ST18: variants seen among roughly 807,000 people sequenced by gnomAD.
ST18 encodes the protein ST18 C2H2C-type zinc finger transcription factor.
A neutral mutation model predicts 110.0 loss-of-function variants in ST18; 50 were observed. The ratio of observed to expected loss-of-function variants is 0.45; its 90% CI spans 0.36 to 0.58. ST18 has a LOEUF of 0.58. Ranked by LOEUF, ST18 falls within the 20% of genes least tolerant of loss-of-function variation. ST18 has a pLI of 0.00. For synonymous variants in ST18, 461 were observed against 452.4 expected, an observed-to-expected ratio of 1.02 and a Z score of -0.24; for missense variants, 1,306 against 1,280.1, an observed-to-expected ratio of 1.02 and a Z score of -0.31.
In ST18 at chr8:52,248,976, C is replaced by A. The variant is rs558264300; in HGVS notation, c.-464-18899G>T. Among the ~76,000 whole-genome samples the A allele has an allele frequency of 2.6e-5, 4 of 152,200 alleles. No homozygotes were observed. In the East Asian group the frequency reaches 7.7e-4, roughly 29 times the overall value. On this transcript the variant is annotated intron_variant, in intron 2 of 25. Coordinates refer to ENST00000689386, the MANE Select transcript of ST18 (RefSeq NM_001352837.2). The stretch of plus-strand genomic sequence containing the variant: ...TGCTCACATGCATGCCCCAGGTTTC[C>A]ATTATCTTTCAGAAGCAGTAAGACT...
intron 10 of ST18, among the ~76,000 whole-genome samples, chr8:52,169,383 T>G (rs1410697889): frequency 6.6e-6 from 1 of 152,188 alleles, no homozygotes; most frequent in Non-Finnish European, 1.5e-5. Flanking sequence ...GTGTTCCCCT[T>G]TTCATAGGCA....
At chr8:52,308,848 G>C (rs1015572136) in intron 2 of ST18, among the ~76,000 whole-genome samples, 1 of 152,228 alleles carries the variant, frequency 6.6e-6, no homozygotes, top group Non-Finnish European at 1.5e-5. Context: ...TGTCGGCTCA[G>C]GGGGACTGGG....
intron 2 of ST18, among the ~76,000 whole-genome samples, chr8:52,318,421 GA>G (rs1305546846): frequency 4.6e-5 from 7 of 152,150 alleles, no homozygotes; most frequent in Non-Finnish European, 4.4e-5. Context: ...ACGTTGTGGA[GA>G]AAAAGGAACG....
intron 2 of ST18, among the ~76,000 whole-genome samples, chr8:52,296,946 T>C (rs2095645219): frequency 6.6e-6 from 1 of 152,170 alleles, no homozygotes; most frequent in South Asian, 2.1e-4. Context: ...TAAGGTATAA[T>C]TAAAAAACCA....
chr8:52,177,519 T>C (rs1303469869), intron 9 of ST18, among the ~76,000 whole-genome samples: 1 of 152,066 alleles, frequency 6.6e-6, no homozygotes, highest in Non-Finnish European at 1.5e-5. Flanking sequence ...ACTAACTCAG[T>C]GCTCTTTCCT....
At chr8:52,153,069 G>A (rs1360014287) in intron 15 of ST18, among the ~76,000 whole-genome samples, 1 of 152,108 alleles carries the variant, frequency 6.6e-6, no homozygotes, top group African/African-American at 2.4e-5. Flanking sequence ...GTAGGCTTGT[G>A]GCTATTTTCT....
chr8:52,377,014 C>T lies in ST18; in HGVS notation c.-465+32314G>A, dbSNP rs16917762. Among the ~76,000 whole-genome samples, 784 of 152,214 alleles carry T rather than the reference C, an allele frequency of 5.2e-3. 7 individuals carry two copies. The highest frequency in any genetic ancestry group is 0.014 in the African/African-American group (585 of 41,526). On this transcript the variant is annotated intron_variant, in intron 2 of 25. Transcript: ENST00000689386. ...GGTCTCTCTAGGGTTAACACTGATG[C>T]CCTCTTATGACAATACATGTACTTA...
intron 2 of ST18, among the ~76,000 whole-genome samples, chr8:52,363,046 T>TA (rs1345846592): frequency 6.6e-6 from 1 of 152,012 alleles, no homozygotes; most frequent in Non-Finnish European, 1.5e-5. Flanking sequence ...CCGTCTCTAC[T>TA]AAAAAAATAC....
At chr8:52,372,345 A>G (rs2140642206) in intron 2 of ST18, among the ~76,000 whole-genome samples, 1 of 152,342 alleles carries the variant, frequency 6.6e-6, no homozygotes, top group East Asian at 1.9e-4. Flanking sequence ...AGGAGTCAGA[A>G]AGCTGAAAAA....
At chr8:52,406,934 C>T (rs1564674615) in intron 2 of ST18, 3 of 152,142 alleles carry the variant, frequency 2.0e-5, no homozygotes, top group East Asian at 1.9e-4. Flanking sequence ...GAGGGACACT[C>T]GGCTTGTAAA....
At chr8:52,350,437 G>A (rs755114408) in intron 2 of ST18, among the ~76,000 whole-genome samples, 23 of 152,088 alleles carry the variant, frequency 1.5e-4, no homozygotes, top group Non-Finnish European at 2.6e-4. Flanking sequence ...CCACAGCTAG[G>A]AAATTGTAGG....
chr8:52,167,527 A>T (rs746969920), intron 10 of ST18, among the ~76,000 whole-genome samples: 1 of 152,206 alleles, frequency 6.6e-6, no homozygotes, highest in Non-Finnish European at 1.5e-5. Flanking sequence ...GGGCAAGGAC[A>T]CTGGCTTGTG....
At chr8:52,206,632 T>G (rs1376701800) in intron 8 of ST18, 1 of 152,218 alleles carries the variant, frequency 6.6e-6, no homozygotes, top group African/African-American at 2.4e-5. Context: ...CTCTTCTAAA[T>G]TAATTTTTAT....
At chr8:52,319,110 A>C (rs904870158) in intron 2 of ST18, among the ~76,000 whole-genome samples, 1 of 152,218 alleles carries the variant, frequency 6.6e-6, no homozygotes, top group Admixed American at 6.5e-5. Flanking sequence ...TTTAAAAAAA[A>C]TTATTTTTAA....
chr8:52,238,191 C>A (rs1239751035), intron 2 of ST18, among the ~76,000 whole-genome samples: 3 of 152,086 alleles, frequency 2.0e-5, no homozygotes, highest in Non-Finnish European at 2.9e-5. Flanking sequence ...TCTATATAAT[C>A]CAACAATTTG....
intron 2 of ST18, among the ~76,000 whole-genome samples, chr8:52,284,032 CT>C (rs1041241892): frequency 6.6e-6 from 1 of 152,132 alleles, no homozygotes; most frequent in African/African-American, 2.4e-5. Context: ...TCCCCAAGCA[CT>C]TTAATCGGCA....
chr8:52,396,520 T>G (rs1228926458), intron 2 of ST18, among the ~76,000 whole-genome samples: 1 of 152,124 alleles, frequency 6.6e-6, no homozygotes, highest in Non-Finnish European at 1.5e-5. Context: ...TACCCAAGAC[T>G]GGATAATTTA....
At chr8:52,302,303 C>T (rs1459595967) in intron 2 of ST18, among the ~76,000 whole-genome samples, 1 of 152,122 alleles carries the variant, frequency 6.6e-6, no homozygotes, top group Admixed American at 6.5e-5. Flanking sequence ...AGGTGCTGGA[C>T]TGGAATTGGA....
At chr8:52,170,560 G>A (rs1046698545) in intron 10 of ST18, among the ~76,000 whole-genome samples, 3 of 151,806 alleles carry the variant, frequency 2.0e-5, no homozygotes, top group African/African-American at 4.8e-5. Context: ...TGTGGATTTC[G>A]GGAATTTTGA....
Sources: gnomAD v4.1 joint callset for allele counts (sites outside exome capture counted in the v4.1 genomes callset) on GRCh38, gnomAD v4.1.1 for gene constraint, MANE v1.5 for transcripts, NCBI Gene and HGNC (gene_info 2026-07-23, HGNC 2026-07-21) for gene names.